LRRC66: variants seen among roughly 807,000 people sequenced by gnomAD.
LRRC66 encodes the protein leucine-rich repeat-containing protein 66.
Under a neutral mutation model 24.6 loss-of-function variants are expected in LRRC66, and 29 were observed. The ratio of observed to expected loss-of-function variants is 1.18; its 90% CI spans 0.88 to 1.61. The LOEUF is 1.61. LRRC66 is among the 40% of genes most tolerant of loss of function. The pLI, the probability that LRRC66 is intolerant of heterozygous loss-of-function variation, is 0.00. For synonymous variants in LRRC66, 411 were observed against 397.6 expected, an observed-to-expected ratio of 1.03 and a Z score of -0.40; for missense variants, 1,124 against 1,058.0, an observed-to-expected ratio of 1.06 and a Z score of -0.87.
Position 51,995,455 on chromosome 4 carries a change from C to T in LRRC66, c.1567G>A (p.Ala523Thr), listed in dbSNP as rs1174532625. The T allele has an allele frequency of 1.2e-6, 2 of 1,614,034 alleles. No individual in the cohort carries two copies. Among genetic ancestry groups the T allele is most frequent in the Non-Finnish European group, 1.7e-6 (2 of 1,180,040 alleles). The change falls in exon 5 of 5, where the codon GCA (alanine) becomes ACA (threonine). Residue 523 changes from alanine (A) to threonine (T), a missense_variant. Ala to Thr is a moderately conservative substitution (Grantham distance 58, BLOSUM62 0). Transcript: ENST00000682860. ...PHAGNRELMS[A>T]AQDHIHRNDI... Reference sequence around the variant, plus strand: ...TTCCTATGGATGTGGTCCTGCGCTGCTGACATTAGTTCACGGTTACCGGCA... The same window carrying T: ...TTCCTATGGATGTGGTCCTGCGCTGTTGACATTAGTTCACGGTTACCGGCA...
At position 51,995,631 on chromosome 4, in the gene LRRC66, TG is replaced by T. The variant is rs1280123451; in HGVS notation, c.1390del (p.His464ThrfsTer6). ...ATCAGGAATTACGGTGGCGTGTGGG[TG>T]TGGCTGTGTCACCCAGAAAGGGGTC... ...NQTPFWVTQP[H>X]PHATVIPDRT... On this transcript the variant is annotated frameshift_variant, in exon 5 of 5. Transcript: ENST00000682860. LOFTEE classifies it low-confidence loss of function (END_TRUNC). 1.2e-6 allele frequency: 2 copies of T among 1,614,052 alleles called. No individual in the cohort carries two copies. The highest frequency in any genetic ancestry group is 2.2e-5 in the South Asian group (2 of 91,060).
At chr4:52,008,982 G>A (rs1736644045) in intron 2 of LRRC66, among the ~76,000 whole-genome samples, 1 of 151,896 alleles carries the variant, frequency 6.6e-6, no homozygotes, top group African/African-American at 2.4e-5. Context: ...ACAGAAGAGG[G>A]GAAAAAATGG....
intron 3 of LRRC66, among the ~76,000 whole-genome samples, chr4:52,000,199 AC>A (rs982889565): frequency 2.0e-5 from 3 of 152,226 alleles, no homozygotes; most frequent in African/African-American, 7.2e-5. Context: ...ATTGAGAATT[AC>A]AGCTGTATAT....
chr4:52,017,448 C>T lies in LRRC66; in HGVS notation c.166G>A (p.Val56Met). ...GTGGCTGCTGTCTGTGATATGTCCA[C>T]AGGTATATCACACTTTCCGGTAAAA... ...CSFTGKCDIP[V>M]DISQTAATVD... The change falls in exon 2 of 5, where the codon GTG (valine) becomes ATG (methionine). Residue 56 changes from valine to methionine, a missense_variant. Val to Met is a conservative substitution (Grantham distance 21, BLOSUM62 1). Coordinates refer to ENST00000682860, the MANE Select transcript of LRRC66 (RefSeq NM_001024611.3). The T allele has an allele frequency of 3.1e-6, 5 of 1,613,820 alleles. No homozygotes were observed. Among genetic ancestry groups the T allele is most frequent in the Non-Finnish European group, 4.2e-6 (5 of 1,179,778 alleles).
intron 2 of LRRC66, among the ~76,000 whole-genome samples, chr4:52,010,401 A>C (rs897998166): frequency 2.6e-4 from 39 of 152,172 alleles, no homozygotes; most frequent in African/African-American, 8.9e-4. Context: ...GAGGGTTTGC[A>C]GTACAAATGA....
In LRRC66 at chr4:51,996,096, T is replaced by A; in HGVS notation, c.926A>T (p.His309Leu). 1 of 1,614,044 alleles carries A rather than the reference T, an allele frequency of 6.2e-7. No individual in the cohort carries two copies. The highest frequency in any genetic ancestry group is 8.5e-7 in the Non-Finnish European group (1 of 1,180,002). The change falls in exon 5 of 5, where the codon CAT becomes CTT. Residue 309 changes from histidine (H) to leucine (L), a missense_variant. Coordinates refer to ENST00000682860, the MANE Select transcript of LRRC66 (RefSeq NM_001024611.3). ...TATGAGGCTTTTCATGCGATGCAGA[T>A]GAATGGGAGGAAGGCGGGTTTCCCT... ...ISRETRLPPIHLHRMKSLIRS... is the reference protein window; with the variant it reads ...ISRETRLPPILLHRMKSLIRS...
chr4:52,019,310 G>A (rs1736891180), intron 1 of LRRC66, among the ~76,000 whole-genome samples: 1 of 151,930 alleles, frequency 6.6e-6, no homozygotes, highest in Admixed American at 6.6e-5. Context: ...ATACACATTA[G>A]TAACATTCAG....
chr4:51,996,201 A>C, intron 4 of LRRC66, 36 bp from the exon 5 acceptor site: 4 of 1,496,618 alleles, frequency 2.7e-6, no homozygotes, highest in Non-Finnish European at 3.6e-6. Flanking sequence ...CATTGAGCGA[A>C]CATTGAAATA....
At chr4:52,001,112 TAGGGTAGA>T (rs1374806779) in intron 3 of LRRC66, among the ~76,000 whole-genome samples, 1 of 152,128 alleles carries the variant, frequency 6.6e-6, no homozygotes, top group Non-Finnish European at 1.5e-5. Flanking sequence ...GAGCTTACGA[TAGGGTAGA>T]AGCGTTTGAG....
In LRRC66 at chr4:51,993,795, T is replaced by C. The variant is rs1344262372; in HGVS notation, c.*584A>G. 2 of 152,250 alleles carry C rather than the reference T, an allele frequency of 1.3e-5. No individual in the cohort carries two copies. The highest frequency in any genetic ancestry group is 2.9e-5 in the Non-Finnish European group (2 of 68,070). The allele number at this position is 152,250 out of a possible 1,614,324, so 9.4% of individuals were successfully genotyped here. On this transcript the variant is annotated 3_prime_UTR_variant, in exon 5 of 5. Coordinates refer to ENST00000682860, the MANE Select transcript of LRRC66 (RefSeq NM_001024611.3). ...CTCCAAAAAGTTGTGCTAGTGTGTGTTCAGAATTCATTAAAATCTATCCAG... is the reference window on the plus strand; with the variant it reads ...CTCCAAAAAGTTGTGCTAGTGTGTGCTCAGAATTCATTAAAATCTATCCAG...
intron 1 of LRRC66, chr4:52,018,634 C>A: frequency 1.0e-6 from 1 of 968,680 alleles, no homozygotes. Flanking sequence ...TATTTTCCTA[C>A]AATAACGTAT....
chr4:51,993,840 C>G lies in LRRC66; in HGVS notation c.*539G>C, dbSNP rs1736221219. 6.6e-6 allele frequency: 1 copy of G among 152,308 alleles called. No homozygotes were observed. The highest frequency in any genetic ancestry group is 1.5e-5 in the Non-Finnish European group (1 of 68,172). 9.4% of individuals were successfully genotyped at this position (152,308 alleles called of 1,614,324 possible). ...ATCCAGCATTTCCACTTAAGTGCTT[C>G]AATATGTATGAAAAAATGTCATTTG... On this transcript the variant is annotated 3_prime_UTR_variant, in exon 5 of 5. Coordinates refer to ENST00000682860, the MANE Select transcript of LRRC66 (RefSeq NM_001024611.3).
At chr4:52,002,750 A>G (rs889252198) in intron 3 of LRRC66, among the ~76,000 whole-genome samples, 10 of 152,238 alleles carry the variant, frequency 6.6e-5, no homozygotes, top group African/African-American at 2.4e-4. Context: ...AATGGAAGCA[A>G]CAGGGTCACT....
intron 3 of LRRC66, among the ~76,000 whole-genome samples, chr4:52,002,928 G>T (rs1375699321): frequency 6.6e-6 from 1 of 152,144 alleles, no homozygotes; most frequent in Non-Finnish European, 1.5e-5. Flanking sequence ...TTAATTCCTT[G>T]CCAACTGGTA....
chr4:52,004,200 G>C (rs1016973561), intron 2 of LRRC66, among the ~76,000 whole-genome samples: 4 of 152,050 alleles, frequency 2.6e-5, no homozygotes, highest in Non-Finnish European at 4.4e-5. Context: ...GTAGAGACGG[G>C]GTTTCACCAT....
chr4:51,995,684 A>T lies in LRRC66; in HGVS notation c.1338T>A (p.Phe446Leu). 1 of 1,614,080 alleles carries T rather than the reference A, an allele frequency of 6.2e-7. No homozygotes were observed. Among genetic ancestry groups the T allele is most frequent in the African/African-American group, 1.3e-5 (1 of 75,006 alleles). The change falls in exon 5 of 5, where the codon TTT becomes TTA. Residue 446 changes from phenylalanine (F) to leucine (L), a missense_variant. Coordinates refer to ENST00000682860, the MANE Select transcript of LRRC66 (RefSeq NM_001024611.3). The stretch of plus-strand genomic sequence containing the variant: ...GGTTCTCGTAGAGGCTTAGATGAGG[A>T]AATACTTGGCGCAGATGGGTCTCTG... Reference protein sequence around the residue: ...PHPETHLRQVFPHLSLYENQT... With the variant: ...PHPETHLRQVLPHLSLYENQT...
chr4:51,998,002 A>T, intron 3 of LRRC66, 65 bp from the exon 4 acceptor site: 2 of 1,402,658 alleles, frequency 1.4e-6, no homozygotes, highest in Non-Finnish European at 2.0e-6. Context: ...AAAATAAATG[A>T]GTTACAGAAA....
At position 51,995,279 on chromosome 4, in the gene LRRC66, G is replaced by A. The variant is rs187026269; in HGVS notation, c.1743C>T (p.Ser581=). The A allele has an allele frequency of 4.3e-6, 7 of 1,614,186 alleles. No homozygotes were observed. Among genetic ancestry groups the A allele is most frequent in the African/African-American group, 2.7e-5 (2 of 75,042 alleles). ...TACAGAGGGAAGCTGTTATTTCTCC[G>A]GAGAGGGAAGGGTCTAATTCATTGG... ...YDSNELDPSL[S]GEITASLCKM... The change falls in exon 5 of 5, where the codon TCC becomes TCT. Residue 581 remains serine, a synonymous_variant. Transcript: ENST00000682860.
chr4:52,017,251 G>T lies in LRRC66; in HGVS notation c.363C>A (p.Ile121=), dbSNP rs2110204516. Reference sequence around the variant, plus strand: ...TGAGTAGATCCAATGAGAGGGAGTGGATGGCATTGTTGCTGAGGTTTAACA... The same window carrying T: ...TGAGTAGATCCAATGAGAGGGAGTGTATGGCATTGTTGCTGAGGTTTAACA... ...LEVLNLSNNA[I]HSLSLDLLSP... Residue 121 remains isoleucine (I), a synonymous_variant, in exon 2 of 5, where the codon ATC becomes ATA. Transcript: ENST00000682860. 1.9e-6 allele frequency: 3 copies of T among 1,614,110 alleles called. No individual in the cohort carries two copies. The South Asian group carries it at 3.3e-5, about 18-fold the overall frequency.
Sources: allele counts gnomAD v4.1 joint callset (sites outside exome capture counted in the v4.1 genomes callset), GRCh38; gene constraint gnomAD v4.1.1; transcripts MANE v1.5; gene names NCBI Gene and HGNC (gene_info 2026-07-23, HGNC 2026-07-21).